GPATCH8: variants seen among roughly 807,000 people sequenced by gnomAD.
The protein encoded by GPATCH8 is G patch domain-containing protein 8.
GPATCH8 carries 18 observed loss-of-function variants against 118.3 expected under a neutral mutation model. The observed-to-expected ratio is 0.15, with a 90% CI of 0.11 to 0.23. The LOEUF is 0.23. GPATCH8 is among the 10% of genes least tolerant of loss of function. The pLI is 1.00. For missense variants in GPATCH8, 1,631 were observed against 1,873.8 expected, an observed-to-expected ratio of 0.87 and a Z score of 2.39; for synonymous variants, 659 against 684.7, an observed-to-expected ratio of 0.96 and a Z score of 0.59.
intron 6 of GPATCH8, among the ~76,000 whole-genome samples, chr17:44,414,019 G>C (rs2049552853): frequency 6.7e-6 from 1 of 148,804 alleles, no homozygotes; most frequent in Non-Finnish European, 1.5e-5. Flanking sequence ...TAAAAGTATG[G>C]TATATTCTTT....
Position 44,401,000 on chromosome 17 carries a change from T to G in GPATCH8, c.1077A>C (p.Lys359Asn). Residue 359 changes from lysine (K) to asparagine (N), a missense_variant, in exon 8 of 8, where the codon AAA becomes AAC. Around this residue, in one of 8 missense-constraint regions of GPATCH8, gnomAD observed 405 missense variants for 462.7 expected, o/e 0.88. Transcript: ENST00000591680. ...SDGSSNLDGK[K>N]EDEDPQDGGS... ...CTCCATCCTGAGGGTCTTCATCCTC[T>G]TTTTTACCATCAAGATTACTGCTCC... The G allele has an allele frequency of 1.9e-6, 3 of 1,613,760 alleles. No individual in the cohort carries two copies. In the East Asian group the frequency reaches 6.7e-5, roughly 36 times the overall value.
At chr17:44,443,003 T>A (rs1351878062) in intron 3 of GPATCH8, among the ~76,000 whole-genome samples, 1 of 152,126 alleles carries the variant, frequency 6.6e-6, no homozygotes, top group African/African-American at 2.4e-5. Context: ...AAGGACCACT[T>A]GAGCCCAGGA....
chr17:44,423,021 C>T (rs565078194), intron 6 of GPATCH8, among the ~76,000 whole-genome samples: 35 of 151,960 alleles, frequency 2.3e-4, no homozygotes, highest in African/African-American at 8.2e-4. Flanking sequence ...GTAATCCCAG[C>T]ACTTTGGGAG....
At chr17:44,501,763 T>C (rs1218394842) in intron 1 of GPATCH8, among the ~76,000 whole-genome samples, 7 of 152,176 alleles carry the variant, frequency 4.6e-5, no homozygotes, top group African/African-American at 1.7e-4. Context: ...TAACTGTCCA[T>C]ATTATCTATT....
At chr17:44,432,034 T>C (rs376891916) in intron 5 of GPATCH8, among the ~76,000 whole-genome samples, 1 of 149,102 alleles carries the variant, frequency 6.7e-6, no homozygotes, top group Non-Finnish European at 1.5e-5. Context: ...ATATGGAGAG[T>C]AAATCAGAGT....
chr17:44,436,374 T>C, intron 4 of GPATCH8, 104 bp downstream of exon 4: 1 of 739,022 alleles, frequency 1.4e-6, no homozygotes, highest in Non-Finnish European at 2.5e-6. Flanking sequence ...ATATTAAAAC[T>C]ACATTTCATC....
chr17:44,424,237 T>G (rs769101639), intron 6 of GPATCH8, 112 bp downstream of exon 6: 140 of 785,388 alleles, frequency 1.8e-4, no homozygotes, highest in Non-Finnish European at 3.0e-4. Flanking sequence ...AGATAAAGAT[T>G]GGCAGACACA....
At chr17:44,446,069 A>G (rs1321756754) in intron 3 of GPATCH8, 1 of 152,266 alleles carries the variant, frequency 6.6e-6, no homozygotes, top group South Asian at 2.1e-4. Context: ...CCTCCTAAGT[A>G]GCTAGGACTA....
At chr17:44,422,902 A>G (rs1183556515) in intron 6 of GPATCH8, among the ~76,000 whole-genome samples, 1 of 152,176 alleles carries the variant, frequency 6.6e-6, no homozygotes, top group African/African-American at 2.4e-5. Flanking sequence ...GTAACTGCCA[A>G]TACAGCTTGT....
At chr17:44,412,290 T>TGA (rs1275736064) in intron 6 of GPATCH8, among the ~76,000 whole-genome samples, 2 of 152,196 alleles carry the variant, frequency 1.3e-5, no homozygotes, top group Non-Finnish European at 2.9e-5. Flanking sequence ...TATGGGAGGC[T>TGA]GAGGCAGGAG....
chr17:44,401,584 T>A lies in GPATCH8; in HGVS notation c.624-131A>T, dbSNP rs984160622. The stretch of plus-strand genomic sequence containing the variant: ...AGGTCTCAAAGACAGTGAGTGGTGG[T>A]CATATTCCCTAGCCCTATACTAACA... On this transcript the variant is annotated intron_variant, in intron 7 of 7. Coordinates refer to ENST00000591680, the MANE Select transcript of GPATCH8 (RefSeq NM_001002909.4). 3 of 715,524 alleles carry A rather than the reference T, an allele frequency of 4.2e-6. No individual in the cohort carries two copies. The South Asian group carries it at 4.6e-5, about 11-fold the overall frequency. The allele number at this position is 715,524 out of a possible 1,614,324, so 44.3% of individuals were successfully genotyped here.
At position 44,474,830 on chromosome 17, in the gene GPATCH8, G is replaced by A. The variant is rs765746065; in HGVS notation, c.119C>T (p.Ser40Leu). Residue 40 changes from serine to leucine, a missense_variant and splice_region_variant, in exon 2 of 8, where the codon TCG becomes TTG. Transcript: ENST00000591680. ...GAAATTAAGCACTGATTATCTTACC[G>A]ATTCTATAGGCTTGTCAAGTGACGC... ...EQASLDKPIE[S>L]DNIGHRLLQK... The A allele has an allele frequency of 5.9e-6, 9 of 1,521,438 alleles. No individual in the cohort carries two copies. The highest frequency in any genetic ancestry group is 2.3e-5 in the East Asian group (1 of 44,406). 94.2% of individuals were successfully genotyped at this position (1,521,438 alleles called of 1,614,324 possible).
chr17:44,486,344 C>T (rs1444624182), intron 1 of GPATCH8: 1 of 152,140 alleles, frequency 6.6e-6, no homozygotes, highest in Non-Finnish European at 1.5e-5. Flanking sequence ...CCTCAGCCTC[C>T]AGAATAGCTG....
chr17:44,402,501 T>A (rs2049064657), intron 7 of GPATCH8, among the ~76,000 whole-genome samples: 1 of 152,088 alleles, frequency 6.6e-6, no homozygotes, highest in East Asian at 1.9e-4. Flanking sequence ...GAAAAACTCT[T>A]GCTGGGTCAG....
At chr17:44,448,503 A>AGGG (rs35585514) in intron 3 of GPATCH8, among the ~76,000 whole-genome samples, 1 of 63,742 alleles carries the variant, frequency 1.6e-5, no homozygotes, top group African/African-American at 7.2e-5. Context: ...AAAAAAAAAA[A>AGGG]GGGGGGGGGG....
In GPATCH8 at chr17:44,400,886, G is replaced by A. The variant is rs751081687; in HGVS notation, c.1191C>T (p.Ile397=). The A allele has an allele frequency of 3.1e-6, 5 of 1,613,704 alleles. No homozygotes were observed. The highest frequency in any genetic ancestry group is 4.5e-5 in the East Asian group (2 of 44,888). Residue 397 remains isoleucine, a synonymous_variant, in exon 8 of 8, where the codon ATC becomes ATT. Transcript: ENST00000591680. Reference sequence around the variant, plus strand: ...GTTTTACTTTGCAGTGTGCTGGGGGGATGTAGTGGTAATACTCAGGCTCTG... The same window carrying A: ...GTTTTACTTTGCAGTGTGCTGGGGGAATGTAGTGGTAATACTCAGGCTCTG... ...GATEPEYYHY[I]PPAHCKVKPN... is the part of the protein sequence containing the mutation.
At chr17:44,487,775 C>T (rs933486083) in intron 1 of GPATCH8, among the ~76,000 whole-genome samples, 1 of 152,100 alleles carries the variant, frequency 6.6e-6, no homozygotes, top group African/African-American at 2.4e-5. Flanking sequence ...TGTGATGAGA[C>T]TACATTTATG....
Position 44,397,119 on chromosome 17 carries a change from C to A in GPATCH8, c.*449G>T, listed in dbSNP as rs555380310. The A allele has an allele frequency of 2.2e-5, 10 of 455,714 alleles. No homozygotes were observed. The highest frequency in any genetic ancestry group is 1.8e-4 in the African/African-American group (9 of 50,188). The allele number at this position is 455,714 out of a possible 1,614,324, so 28.2% of individuals were successfully genotyped here. ...CACTTCCACCACTAGAACAGCTTGGCCTTCCCTGTGGCGCTGAGAAGGCAA... is the reference window on the plus strand; with the variant it reads ...CACTTCCACCACTAGAACAGCTTGGACTTCCCTGTGGCGCTGAGAAGGCAA... On this transcript the variant is annotated 3_prime_UTR_variant, in exon 8 of 8. Transcript: ENST00000591680.
chr17:44,406,112 A>G, intron 6 of GPATCH8, 61 bp from the exon 7 acceptor site: 1 of 1,256,102 alleles, frequency 8.0e-7, no homozygotes, highest in Non-Finnish European at 1.2e-6. Flanking sequence ...GGGAATCAGA[A>G]AGCAAAGCCT....
Sources: gnomAD v4.1 joint callset for allele counts (sites outside exome capture counted in the v4.1 genomes callset) on GRCh38, gnomAD v4.1.1 for gene constraint, gnomAD v4.1.1 regional missense constraint, MANE v1.5 for transcripts, NCBI Gene and HGNC (gene_info 2026-07-23, HGNC 2026-07-21) for gene names.